PRKG1: variants seen among roughly 807,000 people sequenced by gnomAD.
PRKG1 encodes the protein protein kinase cGMP-dependent 1.
Under a neutral mutation model 88.1 loss-of-function variants are expected in PRKG1, and 35 were observed. The observed-to-expected ratio is 0.40, with a 90% CI of 0.30 to 0.53. PRKG1 has a LOEUF of 0.53. PRKG1 is among the 20% of genes least tolerant of loss of function. The pLI, the probability that PRKG1 is intolerant of heterozygous loss-of-function variation, is 0.59. For missense variants in PRKG1, 540 were observed against 839.8 expected (o/e 0.64, Z 4.41); for synonymous variants, 303 against 292.5 (o/e 1.04, Z -0.37).
chr10:51,348,583 T>C (rs1453475773), intron 2 of PRKG1, among the ~76,000 whole-genome samples: 1 of 152,160 alleles, frequency 6.6e-6, no homozygotes, highest in Non-Finnish European at 1.5e-5. Flanking sequence ...AAAGCCTTTT[T>C]TAAAAGACTA....
intron 2 of PRKG1, among the ~76,000 whole-genome samples, chr10:51,374,478 G>A (rs1842778904): frequency 6.6e-6 from 1 of 152,104 alleles, no homozygotes; most frequent in South Asian, 2.1e-4. Context: ...TAGATTAAGA[G>A]GTAAGGACTT....
intron 2 of PRKG1, among the ~76,000 whole-genome samples, chr10:51,275,206 T>G (rs902831065): frequency 2.1e-4 from 32 of 152,266 alleles, no homozygotes; most frequent in African/African-American, 7.7e-4. Context: ...TTTTCCCACA[T>G]TATAAAGTTG....
chr10:52,024,922 T>C (rs1159705797), intron 5 of PRKG1, among the ~76,000 whole-genome samples: 1 of 152,230 alleles, frequency 6.6e-6, no homozygotes, highest in Non-Finnish European at 1.5e-5. Flanking sequence ...TCCACAATGG[T>C]TGAACTAGTT....
intron 2 of PRKG1, among the ~76,000 whole-genome samples, chr10:51,233,908 T>C (rs753845188): frequency 2.0e-4 from 31 of 152,164 alleles, no homozygotes; most frequent in Non-Finnish European, 3.7e-4. Flanking sequence ...CTTGTTACAT[T>C]CTTCTTATGA....
intron 5 of PRKG1, among the ~76,000 whole-genome samples, chr10:51,944,821 A>C (rs570241952): frequency 0.024 from 3,625 of 152,048 alleles, 175 homozygotes; most frequent in African/African-American, 0.079. Flanking sequence ...TCTGAGAGAT[A>C]GTTTGTTGTA....
chr10:51,500,993 G>C (rs7913765), intron 3 of PRKG1, among the ~76,000 whole-genome samples: 1 of 152,006 alleles, frequency 6.6e-6, no homozygotes, highest in Non-Finnish European at 1.5e-5. Context: ...AGTTCTGAGC[G>C]CTACGTTTCA....
chr10:51,501,601 G>C (rs1233103596), intron 3 of PRKG1, among the ~76,000 whole-genome samples: 1 of 152,034 alleles, frequency 6.6e-6, no homozygotes, highest in Non-Finnish European at 1.5e-5. Flanking sequence ...GTTTGTGCTG[G>C]CTCCTTGTCC....
At chr10:51,233,817 G>C (rs1369708477) in intron 2 of PRKG1, among the ~76,000 whole-genome samples, 1 of 152,022 alleles carries the variant, frequency 6.6e-6, no homozygotes, top group Non-Finnish European at 1.5e-5. Context: ...GTTAGTATTC[G>C]ATTCCACAAT....
chr10:52,290,378 T>C (rs1009002206), intron 17 of PRKG1, 88 bp downstream of exon 17: 12 of 1,141,796 alleles, frequency 1.1e-5, no homozygotes, highest in Admixed American at 4.8e-5. Flanking sequence ...TAAAGTTTAA[T>C]CCTATGATTA....
intron 3 of PRKG1, among the ~76,000 whole-genome samples, chr10:51,547,068 G>A (rs1431516636): frequency 6.6e-6 from 1 of 151,968 alleles, no homozygotes; most frequent in Admixed American, 6.6e-5. Flanking sequence ...CAGTGGGGCA[G>A]TAACCACCCT....
At chr10:51,111,159 G>T (rs1337780315) in intron 1 of PRKG1, among the ~76,000 whole-genome samples, 2 of 152,092 alleles carry the variant, frequency 1.3e-5, no homozygotes, top group Admixed American at 1.3e-4. Context: ...GCTGTGGAGA[G>T]CCTTGCATTT....
intron 5 of PRKG1, among the ~76,000 whole-genome samples, chr10:51,936,684 C>G (rs1842806445): frequency 3.3e-5 from 5 of 151,912 alleles, no homozygotes; most frequent in African/African-American, 1.2e-4. Flanking sequence ...TTGTTTGTTT[C>G]CCAAGTGTAC....
At chr10:51,569,847 G>A (rs116452217) in intron 3 of PRKG1, among the ~76,000 whole-genome samples, 94 of 151,928 alleles carry the variant, frequency 6.2e-4, no homozygotes, top group African/African-American at 1.7e-3. Flanking sequence ...ATATAAATGC[G>A]GACAGTTCTG....
intron 2 of PRKG1, among the ~76,000 whole-genome samples, chr10:51,363,607 C>T (rs113398466): frequency 7.5e-4 from 114 of 151,976 alleles, no homozygotes; most frequent in African/African-American, 2.6e-3. Context: ...TGGTTAACTA[C>T]GGCTGCTGTT....
chr10:51,697,926 C>T lies in PRKG1; in HGVS notation c.593-106659C>T, dbSNP rs202146491. On this transcript the variant is annotated intron_variant, in intron 3 of 17. Transcript: ENST00000373980. ...CCCTGTATACCTCCTCCTTGTATAC[C>T]TCCTCCTTGTATACTGACTCCTTGT... The T allele has an allele frequency of 4.8e-5, 77 of 1,599,152 alleles. No individual in the cohort carries two copies. In the Middle Eastern group the frequency reaches 9.9e-4, roughly 21 times the overall value.
chr10:51,898,293 A>G (rs1302045668), intron 4 of PRKG1, among the ~76,000 whole-genome samples: 1 of 152,152 alleles, frequency 6.6e-6, no homozygotes, highest in African/African-American at 2.4e-5. Flanking sequence ...TTTAAATCAT[A>G]TAAAATTCTG....
At chr10:52,201,896 A>G (rs754114744) in intron 9 of PRKG1, among the ~76,000 whole-genome samples, 11 of 152,270 alleles carry the variant, frequency 7.2e-5, no homozygotes, top group Middle Eastern at 6.8e-3. Context: ...ATATATGTGC[A>G]TTGATTTTGT....
intron 7 of PRKG1, among the ~76,000 whole-genome samples, chr10:52,100,042 G>A (rs916603569): frequency 2.0e-4 from 31 of 152,044 alleles, no homozygotes; most frequent in Admixed American, 1.3e-4. Flanking sequence ...CAGAGATTTC[G>A]TAAGCCAAAA....
intron 9 of PRKG1, among the ~76,000 whole-genome samples, chr10:52,235,036 C>T (rs1840642031): frequency 1.1e-5 from 1 of 87,762 alleles, no homozygotes. Context: ...AAAGAATTTT[C>T]AACCCAGAAT....
Sources: allele counts gnomAD v4.1 joint callset (sites outside exome capture counted in the v4.1 genomes callset), GRCh38; gene constraint gnomAD v4.1.1; transcripts MANE v1.5; gene names NCBI Gene and HGNC (gene_info 2026-07-23, HGNC 2026-07-21).